The following CACHD1 variants were observed in gnomAD, a reference collection of about 807,000 sequenced individuals.
CACHD1 encodes the protein cache domain containing 1.
CACHD1 carries 71 observed loss-of-function variants against 138.7 expected under a neutral mutation model. That is an observed-to-expected ratio of 0.51 (90% CI 0.42 to 0.62). The LOEUF is 0.62. Ranked by LOEUF, CACHD1 falls within the 20% of genes least tolerant of loss-of-function variation. The pLI is 0.00. For synonymous variants in CACHD1, 578 were observed against 591.5 expected, an observed-to-expected ratio of 0.98 and a Z score of 0.33; for missense variants, 1,389 against 1,625.3, an observed-to-expected ratio of 0.85 and a Z score of 2.50.
intron 1 of CACHD1, among the ~76,000 whole-genome samples, chr1:64,479,140 C>A (rs1477620930): frequency 6.6e-6 from 1 of 152,152 alleles, no homozygotes; most frequent in Non-Finnish European, 1.5e-5. Flanking sequence ...AAGCCAATTT[C>A]TTTGTGATAC....
intron 1 of CACHD1, among the ~76,000 whole-genome samples, chr1:64,547,994 A>G (rs758284969): frequency 1.7e-4 from 26 of 152,350 alleles, no homozygotes; most frequent in Admixed American, 8.5e-4. Flanking sequence ...CACATTTATT[A>G]GATATGAAGA....
chr1:64,642,588 A>G (rs1366939468), intron 8 of CACHD1, among the ~76,000 whole-genome samples: 1 of 152,136 alleles, frequency 6.6e-6, no homozygotes, highest in Non-Finnish European at 1.5e-5. Context: ...CTACTACTAC[A>G]TTTTTTCCCT....
rs752234398 is a variant in CACHD1, at chr1:64,673,469, G to A, written c.2727+5G>A. ...AAATTCAACACCAGCCTTGCGGTAAGTTGATCTGATTCCTTAACACTCTCA... is the reference window on the plus strand; with the variant it reads ...AAATTCAACACCAGCCTTGCGGTAAATTGATCTGATTCCTTAACACTCTCA... On this transcript the variant is annotated splice_donor_5th_base_variant and intron_variant, in intron 19 of 26. Coordinates refer to ENST00000651257, the MANE Select transcript of CACHD1 (RefSeq NM_020925.4). 1.9e-6 allele frequency: 3 copies of A among 1,598,568 alleles called. No individual in the cohort carries two copies.
intron 1 of CACHD1, among the ~76,000 whole-genome samples, chr1:64,505,612 A>G (rs1306386807): frequency 1.2e-5 from 1 of 85,618 alleles, no homozygotes; most frequent in Non-Finnish European, 2.2e-5. Context: ...GGCACACCCT[A>G]TGCCGCCGTT....
chr1:64,633,974 C>T, intron 6 of CACHD1, 70 bp from the exon 7 acceptor site: 1 of 1,276,592 alleles, frequency 7.8e-7, no homozygotes, highest in Non-Finnish European at 1.1e-6. Context: ...TCTTCTGTTA[C>T]ATAAATAAAT....
intron 12 of CACHD1, among the ~76,000 whole-genome samples, chr1:64,657,169 C>T (rs550937014): frequency 6.6e-6 from 1 of 152,228 alleles, no homozygotes; most frequent in South Asian, 2.1e-4. Flanking sequence ...CCATGTTACA[C>T]AGGCCTGCTT....
chr1:64,609,979 A>C (rs1647471222), intron 4 of CACHD1, among the ~76,000 whole-genome samples: 1 of 150,730 alleles, frequency 6.6e-6, no homozygotes, highest in Non-Finnish European at 1.5e-5. Context: ...GGAAACTTAC[A>C]ATCATGACTG....
intron 2 of CACHD1, among the ~76,000 whole-genome samples, chr1:64,557,037 C>T (rs12124725): frequency 0.04 from 6,081 of 151,706 alleles, 168 homozygotes; most frequent in Middle Eastern, 0.078. Context: ...GAGAATGGCG[C>T]GTGAGCCCGG....
At chr1:64,682,256 G>T (rs1435980605) in intron 26 of CACHD1, 150 bp downstream of exon 26, 3 of 667,208 alleles carry the variant, frequency 4.5e-6, no homozygotes, top group East Asian at 5.5e-5. Context: ...TTTTACTTAT[G>T]TCTCAGCACT....
intron 8 of CACHD1, among the ~76,000 whole-genome samples, chr1:64,643,266 G>A (rs1215063403): frequency 5.3e-5 from 8 of 151,502 alleles, no homozygotes; most frequent in Non-Finnish European, 7.4e-5. Flanking sequence ...GATCCTCTTA[G>A]GAGGGGTTCA....
chr1:64,532,412 A>T (rs611154), intron 1 of CACHD1, among the ~76,000 whole-genome samples: 27,434 of 152,136 alleles, frequency 0.18, 5,121 homozygotes, highest in African/African-American at 0.48. Flanking sequence ...ATCAGGTGTG[A>T]TGGATGTGAT....
At chr1:64,479,454 C>A (rs959026769) in intron 1 of CACHD1, among the ~76,000 whole-genome samples, 1 of 152,120 alleles carries the variant, frequency 6.6e-6, no homozygotes, top group African/African-American at 2.4e-5. Flanking sequence ...CCAGAAGGCT[C>A]CTTTTTGAGG....
At chr1:64,496,169 T>C (rs1646305502) in intron 1 of CACHD1, among the ~76,000 whole-genome samples, 2 of 152,228 alleles carry the variant, frequency 1.3e-5, no homozygotes, top group Non-Finnish European at 2.9e-5. Flanking sequence ...CCTTTGAAAT[T>C]TGTGGTGTAT....
chr1:64,569,625 C>G (rs1288001324), intron 2 of CACHD1, among the ~76,000 whole-genome samples: 5 of 152,168 alleles, frequency 3.3e-5, no homozygotes, highest in Non-Finnish European at 7.3e-5. Flanking sequence ...GTGTGCCTCT[C>G]TCTGTGTTCC....
At chr1:64,477,437 T>G (rs1352523177) in intron 1 of CACHD1, among the ~76,000 whole-genome samples, 1 of 152,124 alleles carries the variant, frequency 6.6e-6, no homozygotes, top group East Asian at 1.9e-4. Flanking sequence ...TTCTTTAGTT[T>G]TAAACTACAA....
chr1:64,562,367 G>A (rs1455429821), intron 2 of CACHD1, among the ~76,000 whole-genome samples: 2 of 146,826 alleles, frequency 1.4e-5, no homozygotes, highest in African/African-American at 2.5e-5. Flanking sequence ...TTTTTCTCTT[G>A]GATAAAGATA....
intron 1 of CACHD1, among the ~76,000 whole-genome samples, chr1:64,540,612 T>C (rs953242441): frequency 2.6e-5 from 4 of 152,184 alleles, no homozygotes; most frequent in African/African-American, 9.7e-5. Flanking sequence ...TCCGTCTTGG[T>C]TTGCCTGCCT....
intron 1 of CACHD1, among the ~76,000 whole-genome samples, chr1:64,524,618 A>C (rs1365767831): frequency 6.6e-6 from 1 of 152,252 alleles, no homozygotes; most frequent in Non-Finnish European, 1.5e-5. Context: ...GAGGGTAATG[A>C]CAAAAGTATT....
intron 1 of CACHD1, among the ~76,000 whole-genome samples, chr1:64,493,207 A>G (rs1386773863): frequency 6.6e-6 from 1 of 152,166 alleles, no homozygotes; most frequent in African/African-American, 2.4e-5. Flanking sequence ...TTTTTATTTT[A>G]TCTTATGTAT....
Sources: allele counts gnomAD v4.1 joint callset (sites outside exome capture counted in the v4.1 genomes callset), GRCh38; gene constraint gnomAD v4.1.1; transcripts MANE v1.5; gene names NCBI Gene and HGNC (gene_info 2026-07-23, HGNC 2026-07-21).